Variants in ADK observed in about 807,000 individuals in gnomAD.
ADK encodes the protein N6,N6-dimethyladenosine kinase.
Under a neutral mutation model 44.7 loss-of-function variants are expected in ADK, and 24 were observed. That is an observed-to-expected ratio of 0.54 (90% CI 0.39 to 0.76). The LOEUF (loss-of-function observed/expected upper bound fraction) is 0.76, where lower values mean the gene tolerates loss of function less well. Among genes scored for constraint, ADK ranks in the 30% least tolerant of loss-of-function variants. The pLI is 0.00. For synonymous variants in ADK, 128 were observed against 142.6 expected (o/e 0.90, Z 0.73); for missense variants, 321 against 425.1 (o/e 0.76, Z 2.15).
intron 4 of ADK, among the ~76,000 whole-genome samples, chr10:74,362,396 T>A (rs530294401): frequency 8.6e-5 from 13 of 151,934 alleles, no homozygotes; most frequent in Admixed American, 8.5e-4. Context: ...GCAGGATTTC[T>A]GGTTTTTTAA....
intron 1 of ADK, among the ~76,000 whole-genome samples, chr10:74,186,106 C>G (rs933792932): frequency 3.3e-5 from 5 of 151,798 alleles, no homozygotes; most frequent in African/African-American, 9.7e-5. Context: ...ACCTCGGCCT[C>G]CCAAAGTGCT....
intron 3 of ADK, among the ~76,000 whole-genome samples, chr10:74,245,140 A>G (rs905764099): frequency 2.0e-5 from 3 of 152,134 alleles, no homozygotes; most frequent in South Asian, 2.1e-4. Context: ...TAAATCTTGC[A>G]TTTGAATTTT....
At chr10:74,464,979 A>G (rs1002017809) in intron 6 of ADK, among the ~76,000 whole-genome samples, 1 of 152,250 alleles carries the variant, frequency 6.6e-6, no homozygotes, top group African/African-American at 2.4e-5. Flanking sequence ...GTGAATTTAT[A>G]GCAGCGACCA....
intron 7 of ADK, among the ~76,000 whole-genome samples, chr10:74,531,320 T>C (rs967939763): frequency 6.6e-6 from 1 of 152,142 alleles, no homozygotes; most frequent in Non-Finnish European, 1.5e-5. Context: ...CTAGACTAGA[T>C]GTTCTGGTCC....
chr10:74,251,455 TA>T (rs1312998495), intron 3 of ADK, among the ~76,000 whole-genome samples: 10 of 152,212 alleles, frequency 6.6e-5, no homozygotes, highest in African/African-American at 2.4e-4. Context: ...AAAATTATAA[TA>T]ATTATAGTTT....
At chr10:74,665,976 A>G (rs1403905971) in intron 9 of ADK, among the ~76,000 whole-genome samples, 1 of 152,200 alleles carries the variant, frequency 6.6e-6, no homozygotes, top group African/African-American at 2.4e-5. Flanking sequence ...TTTTCTAAGG[A>G]TATCGTGAGG....
chr10:74,191,027 C>T (rs1283963300), intron 1 of ADK, among the ~76,000 whole-genome samples: 1 of 145,332 alleles, frequency 6.9e-6, no homozygotes, highest in Non-Finnish European at 1.5e-5. Context: ...GTCGCCCAGG[C>T]TGAAGTGCAA....
At chr10:74,222,460 T>G (rs1191993476) in intron 2 of ADK, among the ~76,000 whole-genome samples, 2 of 151,838 alleles carry the variant, frequency 1.3e-5, no homozygotes, top group African/African-American at 4.8e-5. Flanking sequence ...TGGCGATTCC[T>G]CAGGGATCTA....
At chr10:74,416,347 GTTTTCT>G (rs1844374404) in intron 6 of ADK, among the ~76,000 whole-genome samples, 1 of 151,846 alleles carries the variant, frequency 6.6e-6, no homozygotes, top group Non-Finnish European at 1.5e-5. Flanking sequence ...TCTATCATGT[GTTTTCT>G]TTCTTCACCT....
At chr10:74,580,767 G>A (rs545368090) in intron 7 of ADK, among the ~76,000 whole-genome samples, 75 of 152,152 alleles carry the variant, frequency 4.9e-4, no homozygotes, top group African/African-American at 1.7e-3. Flanking sequence ...TTTATCAGCA[G>A]CATGAAAATG....
At chr10:74,701,806 A>T (rs1311063135) in intron 10 of ADK, among the ~76,000 whole-genome samples, 1 of 152,116 alleles carries the variant, frequency 6.6e-6, no homozygotes, top group Non-Finnish European at 1.5e-5. Flanking sequence ...TTAGCCAGGC[A>T]TGGTGGCTCA....
chr10:74,368,261 A>G (rs1482698054), intron 4 of ADK, among the ~76,000 whole-genome samples: 2 of 151,908 alleles, frequency 1.3e-5, no homozygotes, highest in African/African-American at 4.8e-5. Context: ...CTACAGGCAC[A>G]TGTCACCATG....
chr10:74,279,261 C>G (rs778879693), intron 3 of ADK, among the ~76,000 whole-genome samples: 29 of 150,760 alleles, frequency 1.9e-4, no homozygotes, highest in Non-Finnish European at 3.2e-4. Context: ...GCATGGGTGA[C>G]AGAGCGAGAC....
intron 3 of ADK, among the ~76,000 whole-genome samples, chr10:74,266,950 CATTGGTGGATTAAACCGTGGAAAGAAAAT>C (rs1485759517): frequency 6.6e-6 from 1 of 152,106 alleles, no homozygotes; most frequent in Non-Finnish European, 1.5e-5. Flanking sequence ...ATGGGTTCCA[CATTGGTGGATTAAACCGTGGAAAGAAAAT>C]ATTAGGGAAA....
At chr10:74,592,741 C>A (rs1851765961) in intron 8 of ADK, among the ~76,000 whole-genome samples, 1 of 152,086 alleles carries the variant, frequency 6.6e-6, no homozygotes. Context: ...CATCTTACAC[C>A]ACTGAAAGAG....
At chr10:74,226,272 T>C (rs1457109694) in intron 3 of ADK, among the ~76,000 whole-genome samples, 1 of 152,142 alleles carries the variant, frequency 6.6e-6, no homozygotes. Context: ...CATGCCCAGC[T>C]AATTTTTATA....
At chr10:74,436,657 A>G (rs888037671) in intron 6 of ADK, among the ~76,000 whole-genome samples, 2 of 152,204 alleles carry the variant, frequency 1.3e-5, no homozygotes, top group Non-Finnish European at 2.9e-5. Flanking sequence ...CTAATTGGTG[A>G]AAAGATAGCC....
intron 3 of ADK, among the ~76,000 whole-genome samples, chr10:74,295,095 G>T (rs1433998055): frequency 6.6e-6 from 1 of 151,944 alleles, no homozygotes; most frequent in African/African-American, 2.4e-5. Context: ...GAACTCAGGT[G>T]ATCTGCGTGC....
chr10:74,705,082 A>T (rs1201989069), intron 10 of ADK, among the ~76,000 whole-genome samples: 1 of 152,220 alleles, frequency 6.6e-6, no homozygotes, highest in African/African-American at 2.4e-5. Flanking sequence ...CCCAAATCTG[A>T]CTGGGAAAAG....
Sources: allele counts gnomAD v4.1 joint callset (sites outside exome capture counted in the v4.1 genomes callset), GRCh38; gene constraint gnomAD v4.1.1; transcripts MANE v1.5; gene names NCBI Gene and HGNC (gene_info 2026-07-23, HGNC 2026-07-21).